Variants in PCDH9 observed in about 807,000 individuals in gnomAD.
PCDH9 encodes the protein protocadherin-9.
In PCDH9, 24 loss-of-function variants were observed where a neutral mutation model predicts 70.6. The observed-to-expected ratio is 0.34, with a 90% CI of 0.25 to 0.48. The LOEUF is 0.48. Ranked by LOEUF, PCDH9 falls within the 20% of genes least tolerant of loss-of-function variation. The pLI, the probability that PCDH9 is intolerant of heterozygous loss-of-function variation, is 0.99. For missense variants in PCDH9, 1,281 were observed against 1,503.6 expected, an observed-to-expected ratio of 0.85 and a Z score of 2.45; for synonymous variants, 562 against 558.5, an observed-to-expected ratio of 1.01 and a Z score of -0.09.
chr13:66,735,835 A>C (rs189980376), intron 3 of PCDH9, among the ~76,000 whole-genome samples: 1 of 152,164 alleles, frequency 6.6e-6, no homozygotes, highest in Non-Finnish European at 1.5e-5. Context: ...GTGGTGGTGC[A>C]CGCCTGTAAT....
chr13:66,515,148 T>A (rs554872273), intron 4 of PCDH9, among the ~76,000 whole-genome samples: 2 of 152,198 alleles, frequency 1.3e-5, no homozygotes, highest in East Asian at 1.9e-4. Context: ...TGTGGGGAAT[T>A]TTCCTCAAGG....
chr13:66,403,527 A>G (rs1262164780), intron 4 of PCDH9, among the ~76,000 whole-genome samples: 4 of 152,130 alleles, frequency 2.6e-5, no homozygotes, highest in African/African-American at 9.7e-5. Flanking sequence ...ACACTATCTG[A>G]CTGGCCTATA....
intron 3 of PCDH9, chr13:66,880,194 A>C (rs1307533699): frequency 6.6e-6 from 1 of 152,200 alleles, no homozygotes; most frequent in Non-Finnish European, 1.5e-5. Context: ...ATGATAAAAC[A>C]CTGCTTGGAT....
chr13:66,342,866 G>A (rs1020441811), intron 4 of PCDH9, among the ~76,000 whole-genome samples: 4 of 151,312 alleles, frequency 2.6e-5, no homozygotes, highest in Non-Finnish European at 5.9e-5. Flanking sequence ...GGCTGGCCTC[G>A]AACTCCTGAG....
intron 3 of PCDH9, among the ~76,000 whole-genome samples, chr13:66,714,853 T>C (rs1172735638): frequency 1.3e-5 from 2 of 152,138 alleles, no homozygotes; most frequent in African/African-American, 2.4e-5. Flanking sequence ...TCAACAATTG[T>C]AAATCATTTT....
At chr13:66,900,411 T>C (rs936312215) in intron 3 of PCDH9, among the ~76,000 whole-genome samples, 1 of 151,796 alleles carries the variant, frequency 6.6e-6, no homozygotes, top group East Asian at 1.9e-4. Flanking sequence ...ATTAAAGAAA[T>C]CAAAAATAAG....
At chr13:67,076,527 C>T (rs1566408363) in intron 2 of PCDH9, among the ~76,000 whole-genome samples, 1 of 151,932 alleles carries the variant, frequency 6.6e-6, no homozygotes, top group Non-Finnish European at 1.5e-5. Flanking sequence ...TAAGGAGGGC[C>T]GTGGGAGGAC....
At chr13:67,113,893 T>TA (rs1406207490) in intron 2 of PCDH9, among the ~76,000 whole-genome samples, 4 of 152,288 alleles carry the variant, frequency 2.6e-5, no homozygotes, top group South Asian at 4.1e-4. Context: ...AGGTGGGAAA[T>TA]AAAATGTACT....
chr13:67,053,516 A>G (rs1477013935), intron 2 of PCDH9, among the ~76,000 whole-genome samples: 3 of 152,214 alleles, frequency 2.0e-5, no homozygotes, highest in Admixed American at 6.6e-5. Context: ...ACATTAGGGT[A>G]CACAAAATAT....
At position 66,572,321 on chromosome 13, in the gene PCDH9, T is replaced by G. The variant is rs549010275; in HGVS notation, c.3340+58889A>C. On this transcript the variant is annotated intron_variant, in intron 4 of 4. Coordinates refer to ENST00000377865, the MANE Select transcript of PCDH9 (RefSeq NM_203487.3). The stretch of plus-strand genomic sequence containing the variant: ...TGCTAGCATACACTCAAGCTTATTC[T>G]TCTTATATACCTGTATATTTGTACC... 1.1e-4 allele frequency among the ~76,000 whole-genome samples: 17 copies of G among 152,248 alleles called. No individual in the cohort carries two copies. In the South Asian group the frequency reaches 2.3e-3, roughly 21 times the overall value.
intron 2 of PCDH9, among the ~76,000 whole-genome samples, chr13:67,109,587 T>C (rs1441628512): frequency 6.6e-6 from 1 of 152,210 alleles, no homozygotes; most frequent in East Asian, 1.9e-4. Context: ...GTAATCAATA[T>C]TTATGCTAAC....
intron 3 of PCDH9, among the ~76,000 whole-genome samples, chr13:66,713,408 C>G (rs559841877): frequency 6.6e-6 from 1 of 151,092 alleles, no homozygotes; most frequent in South Asian, 2.1e-4. Flanking sequence ...CCTAGCTATC[C>G]CTCTTGGATT....
chr13:66,389,167 A>G (rs1956978079), intron 4 of PCDH9, among the ~76,000 whole-genome samples: 1 of 152,210 alleles, frequency 6.6e-6, no homozygotes, highest in Admixed American at 6.5e-5. Context: ...TCACGATTTC[A>G]AATCTTAGCA....
At chr13:66,687,026 A>T (rs1164548753) in intron 3 of PCDH9, among the ~76,000 whole-genome samples, 2 of 152,204 alleles carry the variant, frequency 1.3e-5, no homozygotes, top group Non-Finnish European at 2.9e-5. Context: ...CTTATAAAGT[A>T]GGATCAGATA....
intron 2 of PCDH9, among the ~76,000 whole-genome samples, chr13:66,939,708 A>G (rs1566307285): frequency 6.6e-6 from 1 of 152,118 alleles, no homozygotes; most frequent in Non-Finnish European, 1.5e-5. Context: ...ATGAGTCACC[A>G]TGCCTGGCCT....
intron 4 of PCDH9, among the ~76,000 whole-genome samples, chr13:66,609,532 T>C (rs1054953473): frequency 7.9e-5 from 12 of 152,102 alleles, no homozygotes; most frequent in Non-Finnish European, 1.6e-4. Context: ...GGCAGGATTT[T>C]AGTTTTGAAA....
At chr13:67,119,945 G>A (rs561816016) in intron 2 of PCDH9, among the ~76,000 whole-genome samples, 93 of 151,542 alleles carry the variant, frequency 6.1e-4, no homozygotes, top group Admixed American at 1.3e-3. Flanking sequence ...TTCCACAATC[G>A]GGTGTTACAG....
chr13:67,071,126 C>G (rs1355075642), intron 2 of PCDH9, among the ~76,000 whole-genome samples: 1 of 152,092 alleles, frequency 6.6e-6, no homozygotes, highest in Non-Finnish European at 1.5e-5. Flanking sequence ...CTCCCTCAAC[C>G]CCCAGTCGTA....
At chr13:66,876,357 T>C (rs962807106) in intron 3 of PCDH9, among the ~76,000 whole-genome samples, 1 of 152,124 alleles carries the variant, frequency 6.6e-6, no homozygotes, top group South Asian at 2.1e-4. Flanking sequence ...AGAATGAAAG[T>C]ATGGCATAAC....
Sources: allele counts gnomAD v4.1 joint callset (sites outside exome capture counted in the v4.1 genomes callset), GRCh38; gene constraint gnomAD v4.1.1; transcripts MANE v1.5; gene names NCBI Gene and HGNC (gene_info 2026-07-23, HGNC 2026-07-21).